The following CTNND2 variants were observed in gnomAD, a reference collection of about 807,000 sequenced individuals.
The protein encoded by CTNND2 is catenin delta 2, also known as catenin delta-2.
Under a neutral mutation model 144.4 loss-of-function variants are expected in CTNND2, and 22 were observed. The ratio of observed to expected loss-of-function variants is 0.15; its 90% CI spans 0.11 to 0.22. The LOEUF is 0.22. Ranked by LOEUF, CTNND2 falls within the 10% of genes least tolerant of loss-of-function variation. The pLI is 1.00. For synonymous variants in CTNND2, 751 were observed against 695.6 expected, an observed-to-expected ratio of 1.08 and a Z score of -1.25; for missense variants, 1,353 against 1,618.8, an observed-to-expected ratio of 0.84 and a Z score of 2.82.
At chr5:11,840,804 T>C (rs1390220177) in intron 1 of CTNND2, among the ~76,000 whole-genome samples, 1 of 152,110 alleles carries the variant, frequency 6.6e-6, no homozygotes, top group Admixed American at 6.5e-5. Context: ...AATTTTAAAA[T>C]AAGAAATACC....
chr5:11,767,664 CTG>C (rs1344776735), intron 1 of CTNND2, among the ~76,000 whole-genome samples: 2 of 152,124 alleles, frequency 1.3e-5, no homozygotes, highest in Non-Finnish European at 2.9e-5. Context: ...TCAAGGCAGA[CTG>C]GCATACGGCA....
At chr5:11,331,041 G>T (rs1373643083) in intron 9 of CTNND2, among the ~76,000 whole-genome samples, 1 of 152,138 alleles carries the variant, frequency 6.6e-6, no homozygotes, top group African/African-American at 2.4e-5. Flanking sequence ...GCACCCTACA[G>T]AAACGTTTCC....
chr5:10,985,032 C>T (rs750789662), intron 20 of CTNND2, among the ~76,000 whole-genome samples: 2 of 151,938 alleles, frequency 1.3e-5, no homozygotes, highest in Non-Finnish European at 2.9e-5. Flanking sequence ...TGAGATTGCG[C>T]CACTGCACTC....
chr5:11,819,692 C>T (rs1200735840), intron 1 of CTNND2, among the ~76,000 whole-genome samples: 2 of 152,140 alleles, frequency 1.3e-5, no homozygotes, highest in African/African-American at 2.4e-5. Flanking sequence ...CTTTTGCCGC[C>T]TCTTTCACTG....
At chr5:11,630,207 T>C (rs1374304932) in intron 2 of CTNND2, among the ~76,000 whole-genome samples, 1 of 152,206 alleles carries the variant, frequency 6.6e-6, no homozygotes, top group African/African-American at 2.4e-5. Flanking sequence ...TACACTTTAT[T>C]CCTTGAGGGA....
chr5:11,791,098 CAAGG>C (rs1791112712), intron 1 of CTNND2, among the ~76,000 whole-genome samples: 1 of 152,076 alleles, frequency 6.6e-6, no homozygotes, highest in Non-Finnish European at 1.5e-5. Flanking sequence ...TATCTACAAG[CAAGG>C]AATGCCTGGG....
At chr5:11,815,937 A>T (rs1459387645) in intron 1 of CTNND2, among the ~76,000 whole-genome samples, 2 of 152,196 alleles carry the variant, frequency 1.3e-5, no homozygotes, top group Non-Finnish European at 2.9e-5. Flanking sequence ...GGTCTCCAAG[A>T]TACCCACTGA....
chr5:11,501,410 C>A (rs998312472), intron 3 of CTNND2, among the ~76,000 whole-genome samples: 4 of 152,168 alleles, frequency 2.6e-5, no homozygotes, highest in African/African-American at 9.7e-5. Flanking sequence ...CCACACTTTA[C>A]AAATGGGAAG....
chr5:11,785,280 A>C (rs930596691), intron 1 of CTNND2, among the ~76,000 whole-genome samples: 2 of 152,194 alleles, frequency 1.3e-5, no homozygotes, highest in African/African-American at 4.8e-5. Context: ...AAATAGTCAC[A>C]AGTTATTTTG....
chr5:11,208,928 C>A (rs78935871), intron 10 of CTNND2, among the ~76,000 whole-genome samples: 345 of 152,264 alleles, frequency 2.3e-3, no homozygotes, highest in Non-Finnish European at 3.7e-3. Flanking sequence ...AAAGTGATAT[C>A]TCTTTTTAGT....
At position 10,988,834 on chromosome 5, in the gene CTNND2, G is replaced by A. The variant is rs1435205928; in HGVS notation, c.3212-592C>T. Among the ~76,000 whole-genome samples the A allele has an allele frequency of 1.3e-5, 2 of 152,156 alleles. No homozygotes were observed. Among genetic ancestry groups the A allele is most frequent in the African/African-American group, 4.8e-5 (2 of 41,418 alleles). Reference sequence around the variant, plus strand: ...ACCTTCTTTGTCTGTGGCTGGGGTGGGCTGGGGAGGGGCATGGAGGCAGCT... The same window carrying A: ...ACCTTCTTTGTCTGTGGCTGGGGTGAGCTGGGGAGGGGCATGGAGGCAGCT... On this transcript the variant is annotated intron_variant, in intron 19 of 21. Coordinates refer to ENST00000304623, the MANE Select transcript of CTNND2 (RefSeq NM_001332.4). The surrounding 1 kb of genome is among the most constrained non-coding windows in gnomAD (Gnocchi z 5.9).
chr5:11,842,410 T>C (rs16901925), intron 1 of CTNND2, among the ~76,000 whole-genome samples: 3,054 of 152,128 alleles, frequency 0.02, 142 homozygotes, highest in East Asian at 0.2. Flanking sequence ...GGTAGCAACA[T>C]ATACTGGACA....
chr5:11,651,196 T>A (rs1782632237), intron 2 of CTNND2, among the ~76,000 whole-genome samples: 1 of 152,134 alleles, frequency 6.6e-6, no homozygotes, highest in South Asian at 2.1e-4. Context: ...TCCCAGCCAC[T>A]CCAGCTCTAG....
intron 3 of CTNND2, among the ~76,000 whole-genome samples, chr5:11,516,273 G>A (rs1165740048): frequency 6.6e-6 from 1 of 151,836 alleles, no homozygotes; most frequent in Non-Finnish European, 1.5e-5. Flanking sequence ...ATAAGACAAG[G>A]ATGTCCACTC....
intron 7 of CTNND2, among the ~76,000 whole-genome samples, chr5:11,382,044 A>G (rs1201801308): frequency 6.6e-6 from 1 of 152,206 alleles, no homozygotes; most frequent in Non-Finnish European, 1.5e-5. Flanking sequence ...CCTGGGTGAC[A>G]GGATCAACTG....
At chr5:11,043,633 T>C (rs1018647066) in intron 16 of CTNND2, among the ~76,000 whole-genome samples, 6 of 152,208 alleles carry the variant, frequency 3.9e-5, no homozygotes, top group Non-Finnish European at 8.8e-5. Flanking sequence ...CCAAAGTTTA[T>C]TTTAACTAAT....
At chr5:11,295,750 T>A (rs111565226) in intron 9 of CTNND2, among the ~76,000 whole-genome samples, 6,290 of 152,220 alleles carry the variant, frequency 0.041, 243 homozygotes, top group African/African-American at 0.099. Flanking sequence ...CCCTATTTAA[T>A]AAACTGTGCT....
chr5:11,422,935 T>C (rs1762485581), intron 3 of CTNND2, among the ~76,000 whole-genome samples: 1 of 152,206 alleles, frequency 6.6e-6, no homozygotes, highest in Non-Finnish European at 1.5e-5. Flanking sequence ...CCTTCTATAG[T>C]ATTCCCGGAA....
intron 9 of CTNND2, among the ~76,000 whole-genome samples, chr5:11,241,996 G>A (rs1742503896): frequency 6.6e-6 from 1 of 151,994 alleles, no homozygotes; most frequent in African/African-American, 2.4e-5. Context: ...TGAAGGGGAT[G>A]GGGGCCTCCA....
Sources: allele counts gnomAD v4.1 joint callset (sites outside exome capture counted in the v4.1 genomes callset), GRCh38; gene constraint gnomAD v4.1.1; non-coding constraint Gnocchi (gnomAD v3.1); transcripts MANE v1.5; gene names NCBI Gene and HGNC (gene_info 2026-07-23, HGNC 2026-07-21).